Variants in ALDH7A1 observed in about 807,000 individuals in gnomAD.
ALDH7A1 encodes the protein aldehyde dehydrogenase 7 family member A1.
In ALDH7A1, 63 loss-of-function variants were observed where a neutral mutation model predicts 79.9. The ratio of observed to expected loss-of-function variants is 0.79; its 90% CI spans 0.64 to 0.97. The LOEUF (loss-of-function observed/expected upper bound fraction) is 0.97. Ranked by LOEUF, ALDH7A1 falls within the 50% of genes least tolerant of loss-of-function variation. ALDH7A1 has a pLI of 0.00. For synonymous variants in ALDH7A1, 240 were observed against 231.2 expected (o/e 1.04, Z -0.34); for missense variants, 627 against 665.2 (o/e 0.94, Z 0.63).
chr5:126,546,288 T>C (rs1272568813), intron 17 of ALDH7A1, 36 bp downstream of exon 17: 50 of 1,598,600 alleles, frequency 3.1e-5, no homozygotes, highest in Non-Finnish European at 4.1e-5. Flanking sequence ...CCAAGGGTTT[T>C]AAGCCCAAAC....
chr5:126,567,616 G>C (rs1750629096), intron 9 of ALDH7A1, among the ~76,000 whole-genome samples: 1 of 150,884 alleles, frequency 6.6e-6, no homozygotes, highest in Non-Finnish European at 1.5e-5. Context: ...TGGGATTACA[G>C]GCACATGCCA....
At chr5:126,565,028 G>A (rs568861706) in intron 9 of ALDH7A1, among the ~76,000 whole-genome samples, 142 of 152,290 alleles carry the variant, frequency 9.3e-4, no homozygotes, top group African/African-American at 3.3e-3. Flanking sequence ...AGGGGAGAAA[G>A]GTGAGAAGAT....
intron 8 of ALDH7A1, 108 bp from the exon 9 acceptor site, chr5:126,568,464 C>G: frequency 1.0e-6 from 1 of 961,232 alleles, no homozygotes; most frequent in Non-Finnish European, 1.7e-6. Flanking sequence ...TCCCTTGAAG[C>G]TACAAGAAAG....
At chr5:126,550,084 G>T in intron 15 of ALDH7A1, 82 bp from the exon 16 acceptor site, 1 of 1,563,230 alleles carries the variant, frequency 6.4e-7, no homozygotes, top group Non-Finnish European at 8.8e-7. Context: ...CTAAACCAAA[G>T]CTCAAAGGCT....
At chr5:126,559,183 T>C (rs947942165) in intron 11 of ALDH7A1, 57 bp downstream of exon 11, 5 of 1,429,538 alleles carry the variant, frequency 3.5e-6, no homozygotes, top group Non-Finnish European at 4.9e-6. Context: ...ACAGCAGAAC[T>C]CATTAAAAAG....
chr5:126,556,085 C>T (rs975438386), intron 11 of ALDH7A1, 70 bp from the exon 12 acceptor site: 17 of 1,029,246 alleles, frequency 1.7e-5, no homozygotes, highest in Non-Finnish European at 2.3e-5. Context: ...GAATAATTTC[C>T]TTGATAGTTA....
At chr5:126,594,934 G>C in intron 1 of ALDH7A1, 73 bp downstream of exon 1, 9 of 1,540,684 alleles carry the variant, frequency 5.8e-6, no homozygotes, top group Non-Finnish European at 7.9e-6. Context: ...GCGGGGAGTC[G>C]GTAGGTCAGT....
At chr5:126,594,438 ATT>A (rs34684581) in intron 1 of ALDH7A1, 13,831 of 184,026 alleles carry the variant, frequency 0.075, 151 homozygotes, top group South Asian at 0.11. Flanking sequence ...TAAGGTTTTA[ATT>A]TTTTTTTTTT....
At chr5:126,590,583 C>G (rs1751521108) in intron 3 of ALDH7A1, among the ~76,000 whole-genome samples, 1 of 151,836 alleles carries the variant, frequency 6.6e-6, no homozygotes, top group Admixed American at 6.6e-5. Context: ...AGGAAAACAA[C>G]AATTTAAAAA....
intron 4 of ALDH7A1, among the ~76,000 whole-genome samples, chr5:126,583,575 C>T (rs931908058): frequency 2.0e-5 from 3 of 151,438 alleles, no homozygotes; most frequent in African/African-American, 7.3e-5. Flanking sequence ...GTGGCCCATG[C>T]CTATAATCCC....
In ALDH7A1 at chr5:126,595,219, T is replaced by C. The variant is rs1269691281; in HGVS notation, c.-21A>G. 5 of 1,551,672 alleles carry C rather than the reference T, an allele frequency of 3.2e-6. No homozygotes were observed. The highest frequency in any genetic ancestry group is 4.4e-6 in the Non-Finnish European group (5 of 1,146,996). On this transcript the variant is annotated 5_prime_UTR_variant, in exon 1 of 18. Coordinates refer to ENST00000409134, the MANE Select transcript of ALDH7A1 (RefSeq NM_001182.5). ...CACATACTGAGCCCGGGACTCGGGA[T>C]GAGCCCAAGGCCCTGAGAGCTGCTG...
At chr5:126,574,462 G>T (rs1311177908) in intron 7 of ALDH7A1, among the ~76,000 whole-genome samples, 1 of 151,148 alleles carries the variant, frequency 6.6e-6, no homozygotes, top group Non-Finnish European at 1.5e-5. Flanking sequence ...TTGGGAAGCT[G>T]AGGCAGGTGG....
chr5:126,568,607 A>C, intron 8 of ALDH7A1: 1 of 496,802 alleles, frequency 2.0e-6, no homozygotes, highest in Non-Finnish European at 3.7e-6. Context: ...TTGTTAGGGA[A>C]GAAAGTCTTT....
intron 4 of ALDH7A1, 49 bp downstream of exon 4, chr5:126,583,883 C>A: frequency 7.0e-7 from 1 of 1,433,076 alleles, no homozygotes; most frequent in Non-Finnish European, 9.8e-7. Flanking sequence ...AGCATGACAG[C>A]CTTATTGTCC....
intron 11 of ALDH7A1, among the ~76,000 whole-genome samples, chr5:126,559,036 T>C (rs1004261382): frequency 2.6e-5 from 4 of 152,208 alleles, no homozygotes; most frequent in African/African-American, 9.6e-5. Flanking sequence ...ACCCCTATTA[T>C]CTTGGGGTGG....
At chr5:126,559,165 C>G in intron 11 of ALDH7A1, 75 bp downstream of exon 11, 1 of 1,256,394 alleles carries the variant, frequency 8.0e-7, no homozygotes, top group South Asian at 1.2e-5. Flanking sequence ...ATTGCTGACA[C>G]CTCTCTAACA....
At position 126,575,350 on chromosome 5, in the gene ALDH7A1, A is replaced by C. The variant is rs1455467959; in HGVS notation, c.695+70T>G. On this transcript the variant is annotated intron_variant, in intron 7 of 17. Transcript: ENST00000409134. ...ATGTGACTCTGACATCAGATTAAAA[A>C]GTCAGGGCCTATCAATAACCCTTTC... is the stretch of plus-strand genomic sequence containing the variant. 6.9e-6 allele frequency: 10 copies of C among 1,451,856 alleles called. No homozygotes were observed. In the Admixed American group the frequency reaches 9.0e-5, roughly 13 times the overall value. The allele number at this position is 1,451,856 out of a possible 1,614,324, so 89.9% of individuals were successfully genotyped here.
At position 126,547,363 on chromosome 5, in the gene ALDH7A1, A is replaced by G. The variant is rs535468724; in HGVS notation, c.1490-964T>C. On this transcript the variant is annotated intron_variant, in intron 16 of 17. Transcript: ENST00000409134. ...AATAAAAGCAGAAGAAACAAGTCCT[A>G]GTCAAAATCTCCCAAGAGACTCCCT... Among the ~76,000 whole-genome samples the G allele has an allele frequency of 4.6e-5, 7 of 152,328 alleles. No individual in the cohort carries two copies. In the South Asian group the frequency reaches 1.4e-3, roughly 32 times the overall value.
chr5:126,582,989 C>A lies in ALDH7A1; in HGVS notation c.394-15G>T, dbSNP rs766287925. ...TCCAAAGACACCTAGAAATATAAAA[C>A]GACAAGCAGAATTTTTCCAACAGAA... On this transcript the variant is annotated splice_polypyrimidine_tract_variant and intron_variant, in intron 4 of 17. Transcript: ENST00000409134. 2 of 1,613,652 alleles carry A rather than the reference C, an allele frequency of 1.2e-6. No homozygotes were observed. Among genetic ancestry groups the A allele is most frequent in the East Asian group, 4.5e-5 (2 of 44,838 alleles).
Sources: gnomAD v4.1 joint callset for allele counts (sites outside exome capture counted in the v4.1 genomes callset) on GRCh38, gnomAD v4.1.1 for gene constraint, MANE v1.5 for transcripts, NCBI Gene and HGNC (gene_info 2026-07-23, HGNC 2026-07-21) for gene names.